CNOT6L: variants seen among roughly 807,000 people sequenced by gnomAD.
CNOT6L encodes CCR4-NOT transcription complex subunit 6-like.
In CNOT6L, 7 loss-of-function variants were observed where a neutral mutation model predicts 64.0. The ratio of observed to expected loss-of-function variants is 0.11; its 90% confidence interval spans 0.06 to 0.21. CNOT6L has a LOEUF of 0.21. Among genes scored for constraint, CNOT6L ranks in the 10% least tolerant of loss-of-function variants. The probability of loss-of-function intolerance (pLI) is 1.00; values close to 1 mark genes in which losing one functional copy is unlikely to be tolerated. For missense variants in CNOT6L, 245 were observed against 669.0 expected, an observed-to-expected ratio of 0.37 and a Z score of 6.99; for synonymous variants, 193 against 243.4, an observed-to-expected ratio of 0.79 and a Z score of 1.93.
chr4:77,783,163 A>AAC (rs1285492474), intron 1 of CNOT6L, among the ~76,000 whole-genome samples: 7 of 151,654 alleles, frequency 4.6e-5, no homozygotes, highest in Middle Eastern at 3.2e-3. Flanking sequence ...AAAAAAAAAA[A>AAC]AAAAAAACAC....
chr4:77,758,748 C>G (rs1373839626), intron 4 of CNOT6L, among the ~76,000 whole-genome samples: 1 of 152,196 alleles, frequency 6.6e-6, no homozygotes, highest in African/African-American at 2.4e-5. Context: ...CCACACTTTC[C>G]TAAGTTTTAC....
Position 77,746,610 on chromosome 4 carries a change from CCTTTT to C in CNOT6L, c.559+1701_559+1705del, listed in dbSNP as rs556823700. ...TTAATGAAAATTTGTTTCTATTGTT[CCTTTT>C]CTTAATAGAAATGTAGCTGTGCAAT... On this transcript the variant is annotated intron_variant, in intron 6 of 11. Transcript: ENST00000504123. Among the ~76,000 whole-genome samples, 35 of 152,212 alleles carry C rather than the reference CCTTTT, an allele frequency of 2.3e-4. 1 individual carries two copies. The South Asian group carries it at 7.3e-3, about 32-fold the overall frequency.
intron 1 of CNOT6L, among the ~76,000 whole-genome samples, chr4:77,795,021 C>CTTT (rs35837302): frequency 9.1e-5 from 12 of 131,966 alleles, no homozygotes; most frequent in East Asian, 2.2e-4. Context: ...AGAAATTTTT[C>CTTT]TTTTTTTTTT....
chr4:77,748,781 A>T (rs1234402049), intron 5 of CNOT6L, among the ~76,000 whole-genome samples: 1 of 152,230 alleles, frequency 6.6e-6, no homozygotes, highest in African/African-American at 2.4e-5. Context: ...TCTTTAAAAC[A>T]GAAAAAAGTA....
chr4:77,777,066 A>G (rs1728232238), intron 1 of CNOT6L, among the ~76,000 whole-genome samples: 1 of 152,240 alleles, frequency 6.6e-6, no homozygotes, highest in Non-Finnish European at 1.5e-5. Context: ...CTTTTCTGAT[A>G]CACAAGCCAA....
intron 4 of CNOT6L, among the ~76,000 whole-genome samples, 156 bp downstream of exon 4, chr4:77,772,921 TCAAA>T (rs535647597): frequency 1.3e-3 from 196 of 152,184 alleles, no homozygotes; most frequent in Admixed American, 3.3e-3. Context: ...AGACTCCGTC[TCAAA>T]CAAACAAACA....
intron 1 of CNOT6L, among the ~76,000 whole-genome samples, chr4:77,806,521 T>G (rs1333318238): frequency 6.6e-6 from 1 of 152,214 alleles, no homozygotes; most frequent in African/African-American, 2.4e-5. Context: ...ATAATTATGA[T>G]ATTCTAGAGC....
intron 1 of CNOT6L, among the ~76,000 whole-genome samples, chr4:77,807,729 G>A (rs186788348): frequency 6.6e-6 from 1 of 152,238 alleles, no homozygotes; most frequent in East Asian, 1.9e-4. Flanking sequence ...ATCATCAAGG[G>A]CCTTACACAT....
chr4:77,769,850 A>T (rs1263836601), intron 4 of CNOT6L, among the ~76,000 whole-genome samples: 3 of 152,156 alleles, frequency 2.0e-5, no homozygotes, highest in Non-Finnish European at 2.9e-5. Context: ...GTGAGGTCCT[A>T]CATATTTTTA....
At chr4:77,794,136 G>A (rs1477304877) in intron 1 of CNOT6L, among the ~76,000 whole-genome samples, 2 of 88,614 alleles carry the variant, frequency 2.3e-5, no homozygotes, top group Non-Finnish European at 3.9e-5. Flanking sequence ...TGGCAACAGA[G>A]TAAGACTCTG....
rs78578496 is a variant in CNOT6L at position 77,789,172 on chromosome 4, A to G, written c.6-12780T>C. Among the ~76,000 whole-genome samples, 413 of 152,226 alleles carry G rather than the reference A, an allele frequency of 2.7e-3. 7 individuals carry two copies. Among genetic ancestry groups the G allele is most frequent in the East Asian group, 0.025 (131 of 5,164 alleles). The stretch of plus-strand genomic sequence containing the variant: ...ATGCAGAGCTGTCTCCCAAACTGTT[A>G]AATTATTTAGCTAATCATACAGCTC... On this transcript the variant is annotated intron_variant, in intron 1 of 11. Coordinates refer to ENST00000504123, the MANE Select transcript of CNOT6L (RefSeq NM_144571.3).
chr4:77,760,302 G>C (rs1418949935), intron 4 of CNOT6L, among the ~76,000 whole-genome samples: 1 of 152,072 alleles, frequency 6.6e-6, no homozygotes, highest in Non-Finnish European at 1.5e-5. Flanking sequence ...TTGGGTGCTG[G>C]AGTTAGAGGC....
At chr4:77,721,895 C>A (rs1721319168) in intron 11 of CNOT6L, among the ~76,000 whole-genome samples, 3 of 151,946 alleles carry the variant, frequency 2.0e-5, no homozygotes. Context: ...TCACTTGAGG[C>A]CAGGAGTTTC....
intron 1 of CNOT6L, among the ~76,000 whole-genome samples, chr4:77,794,275 A>G (rs1320553077): frequency 6.6e-6 from 1 of 152,042 alleles, no homozygotes; most frequent in African/African-American, 2.4e-5. Context: ...AATTCCACAT[A>G]AACTCTTCCA....
At chr4:77,752,976 T>A (rs1725013231) in intron 5 of CNOT6L, among the ~76,000 whole-genome samples, 1 of 151,486 alleles carries the variant, frequency 6.6e-6, no homozygotes. Flanking sequence ...AATTAATATC[T>A]GAAATGGAAA....
At position 77,715,669 on chromosome 4, in the gene CNOT6L, T is replaced by A. The variant is rs984307831; in HGVS notation, c.*4762A>T. ...AAACAAGAAATATGCATGCTCTTCC[T>A]TACCACCTTCCTGGAAAGAACTGCT... On this transcript the variant is annotated 3_prime_UTR_variant, in exon 12 of 12. Transcript: ENST00000504123. 13 of 152,554 alleles carry A rather than the reference T, an allele frequency of 8.5e-5. No individual in the cohort carries two copies. The highest frequency in any genetic ancestry group is 3.1e-4 in the African/African-American group (13 of 41,446). 9.5% of individuals were successfully genotyped at this position (152,554 alleles called of 1,614,324 possible).
intron 4 of CNOT6L, among the ~76,000 whole-genome samples, chr4:77,765,369 T>TA (rs11434861): frequency 0.55 from 82,335 of 150,494 alleles, 22,589 homozygotes; most frequent in Admixed American, 0.57. Context: ...TGCTTTCACT[T>TA]AAAAAAAAAA....
chr4:77,790,096 C>G (rs1371354879), intron 1 of CNOT6L, among the ~76,000 whole-genome samples: 1 of 152,064 alleles, frequency 6.6e-6, no homozygotes, highest in East Asian at 1.9e-4. Flanking sequence ...GGCAATCACT[C>G]ATCTTTTTGC....
intron 8 of CNOT6L, among the ~76,000 whole-genome samples, chr4:77,734,743 A>G (rs1378194873): frequency 1.3e-5 from 2 of 152,128 alleles, no homozygotes; most frequent in African/African-American, 4.8e-5. Flanking sequence ...ACAGATATGT[A>G]AGATAGATGC....
Sources: allele counts gnomAD v4.1 joint callset (sites outside exome capture counted in the v4.1 genomes callset), GRCh38; gene constraint gnomAD v4.1.1; transcripts MANE v1.5; gene names NCBI Gene and HGNC (gene_info 2026-07-23, HGNC 2026-07-21).